COL5A2: variants seen among roughly 807,000 people sequenced by gnomAD.
COL5A2 encodes the protein collagen type V alpha 2 chain.
Under a neutral mutation model 208.2 loss-of-function variants are expected in COL5A2, and 23 were observed. That is an observed-to-expected ratio of 0.11 (90% confidence interval 0.08 to 0.16). The LOEUF (loss-of-function observed/expected upper bound fraction) is 0.16. COL5A2 is among the 10% of genes least tolerant of loss of function. The probability of loss-of-function intolerance (pLI) is 1.00; values close to 1 mark genes in which losing one functional copy is unlikely to be tolerated. For missense variants in COL5A2, 1,590 were observed against 1,956.4 expected, an observed-to-expected ratio of 0.81 and a Z score of 3.53; for synonymous variants, 625 against 628.5, an observed-to-expected ratio of 0.99 and a Z score of 0.08.
At chr2:189,096,621 C>CAA (rs777945216) in intron 6 of COL5A2, among the ~76,000 whole-genome samples, 83 of 71,014 alleles carry the variant, frequency 1.2e-3, no homozygotes, top group African/African-American at 3.3e-3. Context: ...GACTCCGTCT[C>CAA]AAAAAAAAAA....
chr2:189,373,684 T>C, the COL5A2 span, among the ~76,000 whole-genome samples: 8 of 152,090 alleles, frequency 5.3e-5, no homozygotes, highest in Admixed American at 1.3e-4. Flanking sequence ...TGGAAAAAAA[T>C]ATGGCAAGGA....
chr2:189,102,385 G>C (rs1045956230), intron 3 of COL5A2, among the ~76,000 whole-genome samples: 14 of 151,978 alleles, frequency 9.2e-5, no homozygotes. Flanking sequence ...TCAATTATAA[G>C]TTTCTAATAA....
In COL5A2 at chr2:189,161,756, A is replaced by C. The variant is rs112513652; in HGVS notation, c.97+17752T>G. Among the ~76,000 whole-genome samples the C allele has an allele frequency of 4.7e-3, 720 of 152,326 alleles. 3 individuals are homozygous for C. The highest frequency in any genetic ancestry group is 0.012 in the South Asian group (60 of 4,826). ...GTTTGAGAGATGGTCTTTACCCTCA[A>C]GGAGCATATGATATAACTAAAAAAT... On this transcript the variant is annotated intron_variant, in intron 1 of 53. Transcript: ENST00000374866.
rs774604601 is a variant in COL5A2 at position 189,066,822 on chromosome 2, T to C, written c.1402-40A>G. ...TTGATATTTGTAAGAACCAGGACATTTAGCTAGTCCAATCTGCTCAAATTA... is the reference window on the plus strand; with the variant it reads ...TTGATATTTGTAAGAACCAGGACATCTAGCTAGTCCAATCTGCTCAAATTA... On this transcript the variant is annotated intron_variant, in intron 21 of 53. Transcript: ENST00000374866. 2.0e-5 allele frequency: 30 copies of C among 1,486,886 alleles called. No homozygotes were observed. In the Admixed American group the frequency reaches 4.5e-4, roughly 22 times the overall value. The allele number at this position is 1,486,886 out of a possible 1,614,324, so 92.1% of individuals were successfully genotyped here.
the COL5A2 span, among the ~76,000 whole-genome samples, chr2:189,435,882 T>C: frequency 6.6e-6 from 1 of 152,204 alleles, no homozygotes; most frequent in Non-Finnish European, 1.5e-5. Flanking sequence ...GCACACGTTA[T>C]GTTTATTGCG....
At chr2:189,120,925 G>A (rs1002111866) in intron 1 of COL5A2, among the ~76,000 whole-genome samples, 1 of 152,250 alleles carries the variant, frequency 6.6e-6, no homozygotes, top group East Asian at 1.9e-4. Flanking sequence ...TGATAATATT[G>A]TTTATTTATT....
the COL5A2 span, among the ~76,000 whole-genome samples, chr2:189,432,287 A>T: frequency 6.6e-6 from 1 of 152,230 alleles, no homozygotes; most frequent in South Asian, 2.1e-4. Context: ...CGGGCAAAAT[A>T]ACCAGCTAAC....
rs111722806 is a variant in COL5A2 at position 189,159,781 on chromosome 2, C to T, written c.97+19727G>A. Among the ~76,000 whole-genome samples, 20 of 151,946 alleles carry T rather than the reference C, an allele frequency of 1.3e-4. 1 individual carries two copies. The highest frequency in any genetic ancestry group is 4.1e-4 in the African/African-American group (17 of 41,454). On this transcript the variant is annotated intron_variant, in intron 1 of 53. Transcript: ENST00000374866. ...CTGTAATCTCAGCACTTTGGAAGGC[C>T]GAGGCTGAGGTACGAGAATCACTTT...
rs116194048 is a variant in COL5A2, at chr2:189,212,207, G to A, written c.-42+12941C>T. Among the ~76,000 whole-genome samples the A allele has an allele frequency of 4.4e-3, 666 of 152,226 alleles. 2 individuals are homozygous for A. The highest frequency in any genetic ancestry group is 0.016 in the African/African-American group (648 of 41,522). ...GGCCTCCTTCCTGCCTGTACCTAAGGCAAATTGCTTCCACTGCCACCTCTA... is the reference window on the plus strand; with the variant it reads ...GGCCTCCTTCCTGCCTGTACCTAAGACAAATTGCTTCCACTGCCACCTCTA... On this transcript the variant is annotated intron_variant, in intron 1 of 10. Transcript: ENST00000649966.
chr2:189,324,336 G>A, the COL5A2 span, among the ~76,000 whole-genome samples: 1 of 152,164 alleles, frequency 6.6e-6, no homozygotes, highest in African/African-American at 2.4e-5. Flanking sequence ...AAACTAAATA[G>A]CTTCTGCATA....
At chr2:189,380,019 A>T in the COL5A2 span, among the ~76,000 whole-genome samples, 1 of 151,764 alleles carries the variant, frequency 6.6e-6, no homozygotes, top group Non-Finnish European at 1.5e-5. Flanking sequence ...AACTCCTCTT[A>T]AAGGGAGTGA....
rs954280494 is a variant in COL5A2, at chr2:189,085,886, C to T, written c.691-114G>A. ...GACAGTTGGCTCTGCCATCTTCCAG[C>T]TGTGTGACTTTGGGCAAGTTACTTA... On this transcript the variant is annotated intron_variant, in intron 9 of 53. Coordinates refer to ENST00000374866, the MANE Select transcript of COL5A2 (RefSeq NM_000393.5). The T allele has an allele frequency of 3.5e-6, 3 of 846,394 alleles. No homozygotes were observed. The Admixed American group carries it at 6.0e-5, about 17-fold the overall frequency. The allele number at this position is 846,394 out of a possible 1,614,324, so 52.4% of individuals were successfully genotyped here.
At chr2:189,052,684 G>T in intron 40 of COL5A2, 65 bp downstream of exon 40, 2 of 1,438,802 alleles carry the variant, frequency 1.4e-6, no homozygotes, top group South Asian at 2.3e-5. Context: ...TCTTTTACAT[G>T]ACCAGGAAGC....
chr2:189,271,003 G>C, the COL5A2 span, among the ~76,000 whole-genome samples: 1 of 152,028 alleles, frequency 6.6e-6, no homozygotes, highest in African/African-American at 2.4e-5. Flanking sequence ...AAGGAAATAA[G>C]AGAGGACACA....
chr2:189,422,228 A>C, the COL5A2 span, among the ~76,000 whole-genome samples: 1 of 152,174 alleles, frequency 6.6e-6, no homozygotes, highest in African/African-American at 2.4e-5. Flanking sequence ...AAACATTTAT[A>C]ATAACTGTTT....
chr2:189,120,510 T>C (rs1687478740), intron 1 of COL5A2, among the ~76,000 whole-genome samples: 1 of 152,182 alleles, frequency 6.6e-6, no homozygotes, highest in Non-Finnish European at 1.5e-5. Flanking sequence ...TCTTCAATCA[T>C]TATGGAAATA....
the COL5A2 span, among the ~76,000 whole-genome samples, chr2:189,409,965 G>A: frequency 6.6e-6 from 1 of 152,104 alleles, no homozygotes; most frequent in Non-Finnish European, 1.5e-5. Flanking sequence ...TGCAATTAAT[G>A]GAAGAGAGCA....
At chr2:189,217,725 G>A (rs1348371932) in intron 1 of COL5A2, among the ~76,000 whole-genome samples, 2 of 152,134 alleles carry the variant, frequency 1.3e-5, no homozygotes, top group African/African-American at 2.4e-5. Context: ...ATCTCTACGG[G>A]TGGTCCAGAC....
intron 19 of COL5A2, 77 bp from the exon 20 acceptor site, chr2:189,068,347 A>G: frequency 1.6e-6 from 2 of 1,236,902 alleles, no homozygotes; most frequent in South Asian, 2.4e-5. Context: ...ACAGATGTCC[A>G]GCCATCTTCA....
Sources: gnomAD v4.1 joint callset for allele counts (sites outside exome capture counted in the v4.1 genomes callset) on GRCh38, gnomAD v4.1.1 for gene constraint, MANE v1.5 for transcripts, NCBI Gene and HGNC (gene_info 2026-07-23, HGNC 2026-07-21) for gene names.